HELZ2: variants seen among roughly 807,000 people sequenced by gnomAD.
The protein encoded by HELZ2 is 3'-5' exoribonuclease HELZ2.
A neutral mutation model predicts 208.8 loss-of-function variants in HELZ2; 143 were observed. The observed-to-expected ratio is 0.68, with a 90% CI of 0.60 to 0.79. HELZ2 has a LOEUF of 0.79. Ranked by LOEUF, HELZ2 falls within the 30% of genes least tolerant of loss-of-function variation. The probability of loss-of-function intolerance (pLI) is 0.00; values close to 1 mark genes in which losing one functional copy is unlikely to be tolerated. For synonymous variants in HELZ2, 1,705 were observed against 1,693.7 expected (o/e 1.01, Z -0.16); for missense variants, 3,690 against 3,794.5 (o/e 0.97, Z 0.72).
rs1419891988 is a variant in HELZ2 at position 63,561,138 on chromosome 20, T to G, written c.7090A>C (p.Met2364Leu). Residue 2364 changes from methionine (M) to leucine (L), a missense_variant, in exon 14 of 19, where the codon ATG becomes CTG. Coordinates refer to ENST00000467148, the Ensembl canonical transcript of HELZ2. ...ATGAGGGTTTCAGGTTCCGTGGCCA[T>G]GCCTGCCTCGTCAACAAGGATCTGC... 1.9e-6 allele frequency: 3 copies of G among 1,613,034 alleles called. No individual in the cohort carries two copies. The East Asian group carries it at 6.7e-5, about 36-fold the overall frequency.
At chr20:63,560,546 C>G (rs756952010) in exon 16 of HELZ2, 2 of 1,613,092 alleles carry the variant, frequency 1.2e-6, no homozygotes, top group South Asian at 2.2e-5. Flanking sequence ...CACCAGCAGG[C>G]TCCGCTCGTG....
chr20:63,569,796 A>G (rs2083000553), intron 3 of HELZ2, 131 bp from the exon 5 acceptor site: 1 of 1,042,128 alleles, frequency 9.6e-7, no homozygotes, highest in Non-Finnish European at 1.3e-6. Context: ...GAACGCAAGC[A>G]GGCCACCCGG....
chr20:63,567,047 C>T lies in HELZ2; in HGVS notation c.2311G>A (p.Val771Ile), dbSNP rs779025146. ...GGGTAGTGCCGGGGGTGGGGCGGAACCTTGCCCCTGGCGTGGATGGGGTTG... is the reference window on the plus strand; with the variant it reads ...GGGTAGTGCCGGGGGTGGGGCGGAATCTTGCCCCTGGCGTGGATGGGGTTG... The change falls in exon 6 of 19, where the codon GTT becomes ATT. Residue 771 changes from valine to isoleucine, a missense_variant. Physicochemically the swap from Val to Ile is conservative, Grantham distance 29 (BLOSUM62 3). Coordinates refer to ENST00000467148, the Ensembl canonical transcript of HELZ2. The T allele has an allele frequency of 1.2e-6, 2 of 1,612,112 alleles. No homozygotes were observed. The highest frequency in any genetic ancestry group is 1.7e-6 in the Non-Finnish European group (2 of 1,179,978).
At position 63,563,256 on chromosome 20, in the gene HELZ2, G is replaced by T. The variant is rs760809055; in HGVS notation, c.5566C>A (p.Arg1856=). The stretch of plus-strand genomic sequence containing the variant: ...CGCTGCACCTGCACCAGCTCCCGCC[G>T]CTGGGACGCCTCGCCCTTCTCCTGG... Residue 1856 remains arginine, a synonymous_variant, in exon 8 of 19, where the codon CGG becomes AGG. Transcript: ENST00000467148. The T allele has an allele frequency of 1.9e-6, 3 of 1,559,320 alleles. No homozygotes were observed. The African/African-American group carries it at 4.1e-5, about 21-fold the overall frequency.
chr20:63,563,868 G>T (rs370806860), exon 8 of HELZ2: 457 of 1,595,580 alleles, frequency 2.9e-4, no homozygotes, highest in Admixed American at 6.3e-4. Context: ...TGGTGGCCCC[G>T]GGCGCAGCGG....
exon 18 of HELZ2, chr20:63,559,949 G>T: frequency 6.2e-7 from 1 of 1,611,184 alleles, no homozygotes. Context: ...AGCCCCTCCT[G>T]GGCCCGCGTG....
chr20:63,562,736 A>G, exon 8 of HELZ2: 1 of 1,603,628 alleles, frequency 6.2e-7, no homozygotes, highest in Non-Finnish European at 8.5e-7. Context: ...GCCAGGGCCG[A>G]GGCTGCTGGG....
exon 12 of HELZ2, chr20:63,561,692 C>A (rs142771646): frequency 6.2e-7 from 1 of 1,612,284 alleles, no homozygotes; most frequent in South Asian, 1.1e-5. Flanking sequence ...CTGGCCTCAG[C>A]CTGCTCACTG....
At chr20:63,564,985 C>A (rs777998717) in exon 8 of HELZ2, 1 of 1,601,386 alleles carries the variant, frequency 6.2e-7, no homozygotes, top group East Asian at 2.2e-5. Context: ...CGATGCCCAG[C>A]GGGTAGTAGA....
chr20:63,568,595 A>C (rs907547869), exon 5 of HELZ2: 2 of 1,596,302 alleles, frequency 1.3e-6, no homozygotes, highest in Non-Finnish European at 1.7e-6. Context: ...GCAGGTGGGC[A>C]AGTCGGGCAC....
rs927253157 is a variant in HELZ2 at position 63,559,912 on chromosome 20, C to T, written c.7825+16G>A. On this transcript the variant is annotated intron_variant, in intron 18 of 18. Coordinates refer to ENST00000467148, the Ensembl canonical transcript of HELZ2. ...ACCTGTGTTCCCACCCTGGAAGAGCCCAGCCCCGCCCTCACCGATCAGGCA... is the reference window on the plus strand; with the variant it reads ...ACCTGTGTTCCCACCCTGGAAGAGCTCAGCCCCGCCCTCACCGATCAGGCA... The T allele has an allele frequency of 1.1e-5, 18 of 1,605,920 alleles. No individual in the cohort carries two copies. The highest frequency in any genetic ancestry group is 3.3e-5 in the Admixed American group (2 of 59,942).
intron 2 of HELZ2, 36 bp from the exon 4 acceptor site, chr20:63,570,647 A>ACCCCCCCCCCCC: frequency 8.7e-6 from 13 of 1,497,368 alleles, no homozygotes; most frequent in Non-Finnish European, 8.3e-6. Flanking sequence ...AGAGGCCTGG[A>ACCCCCCCCCCCC]CCCCACCCCA....
At position 63,562,097 on chromosome 20, in the gene HELZ2, AG is replaced by A; in HGVS notation, c.6503del (p.Pro2168LeufsTer67). Reference sequence around the variant, plus strand: ...CTGGTGGGCCCTGAATGACCGTGAAAGGCTTCTCCAGAGCCTCCCTGACCGC... The same window carrying A: ...CTGGTGGGCCCTGAATGACCGTGAAAGCTTCTCCAGAGCCTCCCTGACCGC... On this transcript the variant is annotated frameshift_variant, in exon 10 of 19. Transcript: ENST00000467148. LOFTEE classifies it high-confidence loss of function. 1.2e-6 allele frequency: 2 copies of A among 1,612,310 alleles called. No homozygotes were observed. The highest frequency in any genetic ancestry group is 2.2e-5 in the South Asian group (2 of 90,996).
exon 8 of HELZ2, chr20:63,565,725 C>T: frequency 6.2e-7 from 1 of 1,605,534 alleles, no homozygotes; most frequent in Non-Finnish European, 8.5e-7. Context: ...GGCACCACGT[C>T]TTCCTTCACT....
exon 8 of HELZ2, chr20:63,563,905 G>A (rs139486789): frequency 6.3e-7 from 1 of 1,595,248 alleles, no homozygotes; most frequent in African/African-American, 1.3e-5. Flanking sequence ...CCAGGGCCTT[G>A]CGGAGGTCGC....
rs768336921 is a variant in HELZ2 at position 63,559,451 on chromosome 20, G to A, written c.7826-81C>T. ...GTCAGGTGGGAGGAGTCAGGGTCAG[G>A]TGGGAGTCAGTCAGGGTCAGGTGGG... On this transcript the variant is annotated intron_variant, in intron 18 of 18. Transcript: ENST00000467148. The A allele has an allele frequency of 4.5e-3, 5,323 of 1,171,298 alleles. 141 individuals are homozygous for A. The highest frequency in any genetic ancestry group is 0.032 in the Admixed American group (886 of 27,486). The allele number at this position is 1,171,298 out of a possible 1,614,324, so 72.6% of individuals were successfully genotyped here.
exon 5 of HELZ2, chr20:63,568,556 G>A: frequency 6.3e-7 from 1 of 1,586,468 alleles, no homozygotes; most frequent in Non-Finnish European, 8.5e-7. Flanking sequence ...ACGCCGCAAG[G>A]GTGGGACAGA....
chr20:63,566,520 A>AAAGGGCACCCCCACCAAGCTCGGGGAT (rs2082959439), intron 6 of HELZ2, 67 bp from the exon 8 acceptor site: 1 of 1,242,190 alleles, frequency 8.1e-7, no homozygotes, highest in African/African-American at 1.6e-5. Flanking sequence ...CCCGACAAGG[A>AAAGGGCACCCCCACCAAGCTCGGGGAT]GAGGGCACCC....
rs769920759 is a variant in HELZ2 at position 63,565,181 on chromosome 20, C to T, written c.3641G>A (p.Arg1214His). Residue 1214 changes from arginine (R) to histidine (H), a missense_variant, in exon 8 of 19, where the codon CGC becomes CAC. By Grantham distance (29) the Arg-to-His change is conservative. Transcript: ENST00000467148. ...GGAGCCATTGATGGGGACCATGATGCGCGGGTCCCACGTGTCCATGCGGCA... is the reference window on the plus strand; with the variant it reads ...GGAGCCATTGATGGGGACCATGATGTGCGGGTCCCACGTGTCCATGCGGCA... The T allele has an allele frequency of 5.2e-5, 83 of 1,604,002 alleles. No individual in the cohort carries two copies. The highest frequency in any genetic ancestry group is 1.3e-4 in the East Asian group (6 of 44,560).
Sources: allele counts gnomAD v4.1 joint callset, GRCh38; gene constraint gnomAD v4.1.1; transcripts MANE v1.5; gene names NCBI Gene and HGNC (gene_info 2026-07-23, HGNC 2026-07-21).